The following WNK1 variants were observed in gnomAD, a reference collection of about 807,000 sequenced individuals.
The protein encoded by WNK1 is serine/threonine-protein kinase WNK1.
Under a neutral mutation model 222.8 loss-of-function variants are expected in WNK1, and 38 were observed. That is an observed-to-expected ratio of 0.17 (90% CI 0.13 to 0.22). WNK1 has a LOEUF of 0.22. Among genes scored for constraint, WNK1 ranks in the 10% least tolerant of loss-of-function variants. The pLI, the probability that WNK1 is intolerant of heterozygous loss-of-function variation, is 1.00. For synonymous variants in WNK1, 1,090 were observed against 1,092.9 expected, an observed-to-expected ratio of 1.00 and a Z score of 0.05; for missense variants, 2,348 against 2,918.4, an observed-to-expected ratio of 0.80 and a Z score of 4.50.
In WNK1 at chr12:908,214, C is replaced by G. The variant is rs892342816; in HGVS notation, c.6831+180C>G. ...TTTTCCTTCCCTGAATTCCTAACCT[C>G]TTGTTGGTCAGCTCAACTTTTTCTT... On this transcript the variant is annotated intron_variant, in intron 27 of 27. Transcript: ENST00000315939. 6.8e-6 allele frequency: 6 copies of G among 878,996 alleles called. No homozygotes were observed. The African/African-American group carries it at 8.4e-5, about 12-fold the overall frequency. 54.4% of individuals were successfully genotyped at this position (878,996 alleles called of 1,614,324 possible). A position where few individuals can be genotyped will look rare whatever the true frequency, so the allele number is the denominator to read the frequency against.
chr12:791,495 A>G (rs991525580), intron 1 of WNK1, among the ~76,000 whole-genome samples: 5 of 152,056 alleles, frequency 3.3e-5, no homozygotes, highest in African/African-American at 9.7e-5. Context: ...CTTTTCTATA[A>G]TAACATTCTC....
chr12:879,470 C>CTTTTTTT, intron 10 of WNK1, 103 bp from the exon 11 acceptor site: 11 of 658,308 alleles, frequency 1.7e-5, no homozygotes, highest in South Asian at 9.7e-5. Flanking sequence ...TTGTTTTTTC[C>CTTTTTTT]TTCTTTTTGG....
intron 26 of WNK1, 151 bp from the exon 27 acceptor site, chr12:907,696 C>G (rs768131435): frequency 2.1e-6 from 2 of 952,300 alleles, no homozygotes; most frequent in Non-Finnish European, 3.3e-6. Context: ...AATGGCTAAA[C>G]AAAACCTTGG....
chr12:758,373 CTTTTTTT>C (rs397957357), intron 1 of WNK1, among the ~76,000 whole-genome samples: 1 of 64,728 alleles, frequency 1.5e-5, no homozygotes, highest in Non-Finnish European at 2.7e-5. Context: ...TGCTATAGTT[CTTTTTTT>C]TTTTTTTTTT....
chr12:890,831 ACTGGATATATAGGGATAGAAG>A (rs1356226894), intron 22 of WNK1, among the ~76,000 whole-genome samples: 12 of 152,328 alleles, frequency 7.9e-5, no homozygotes, highest in Non-Finnish European at 1.6e-4. Context: ...CTTTTGTGAC[ACTGGATATATAGGGATAGAAG>A]CTTGAATAGT....
chr12:883,908 G>A, intron 17 of WNK1, 77 bp downstream of exon 17: 1 of 1,572,216 alleles, frequency 6.4e-7, no homozygotes, highest in South Asian at 1.1e-5. Flanking sequence ...GGCTTCTGTA[G>A]TCCCAGCTAC....
At chr12:883,905 G>A (rs1288482904) in intron 17 of WNK1, 74 bp downstream of exon 17, 1 of 1,574,614 alleles carries the variant, frequency 6.4e-7, no homozygotes, top group African/African-American at 1.3e-5. Flanking sequence ...GCAGGCTTCT[G>A]TAGTCCCAGC....
At chr12:768,467 A>AT (rs1233613975) in intron 1 of WNK1, among the ~76,000 whole-genome samples, 2 of 151,838 alleles carry the variant, frequency 1.3e-5, no homozygotes, top group African/African-American at 4.8e-5. Flanking sequence ...GTCTCCACAG[A>AT]TTTTTTTGTT....
intron 1 of WNK1, among the ~76,000 whole-genome samples, chr12:805,582 A>T (rs572379889): frequency 6.6e-6 from 1 of 152,338 alleles, no homozygotes; most frequent in East Asian, 1.9e-4. Flanking sequence ...GTCTTCCTTT[A>T]TAAATAACTT....
At chr12:859,994 G>A (rs1425134323) in intron 6 of WNK1, among the ~76,000 whole-genome samples, 1 of 152,076 alleles carries the variant, frequency 6.6e-6, no homozygotes, top group Admixed American at 6.6e-5. Flanking sequence ...GGGAGTACAG[G>A]TGTGAGCCAC....
intron 1 of WNK1, 83 bp downstream of exon 1, chr12:754,407 A>G: frequency 6.3e-7 from 1 of 1,575,116 alleles, no homozygotes; most frequent in Middle Eastern, 1.7e-4. Context: ...TTCACCCTTC[A>G]CTTGGCATTC....
chr12:758,542 C>T (rs7959054), intron 1 of WNK1, among the ~76,000 whole-genome samples: 83,407 of 142,904 alleles, frequency 0.58, 27,931 homozygotes, highest in East Asian at 0.86. Context: ...CGCCCGCCAC[C>T]GTGCCCGGCT....
intron 4 of WNK1, chr12:851,910 C>T (rs1950448607): frequency 3.7e-6 from 3 of 821,486 alleles, no homozygotes; most frequent in South Asian, 3.9e-5. Context: ...CTTGAGAATG[C>T]TTTAAAAATA....
chr12:883,699 A>G lies in WNK1; in HGVS notation c.3664-75A>G, dbSNP rs901581448. ...GACAACAAACTTTTATGTTCTCTTC[A>G]CATGTGGCAGTTTGCTTTGCCTAGT... On this transcript the variant is annotated intron_variant, in intron 16 of 27. Coordinates refer to ENST00000315939, the MANE Select transcript of WNK1 (RefSeq NM_018979.4). 17 of 1,598,064 alleles carry G rather than the reference A, an allele frequency of 1.1e-5. No individual in the cohort carries two copies. In the African/African-American group the frequency reaches 2.1e-4, roughly 20 times the overall value.
chr12:881,692 A>G lies in WNK1; in HGVS notation c.3112A>G (p.Ser1038Gly). Residue 1038 changes from serine to glycine, a missense_variant and splice_region_variant, in exon 13 of 28, where the codon AGT becomes GGT. Transcript: ENST00000315939. ...TTTGAGTTATCTTTTCGATTCACAGAGTACTCAGGGAGTCTCTCAGGTTGC... is the reference window on the plus strand; with the variant it reads ...TTTGAGTTATCTTTTCGATTCACAGGGTACTCAGGGAGTCTCTCAGGTTGC... ...TTSSQQAVLE[S>G]TQGVSQVAPA... The G allele has an allele frequency of 6.2e-7, 1 of 1,612,746 alleles. No homozygotes were observed. The highest frequency in any genetic ancestry group is 1.7e-4 in the Middle Eastern group (1 of 6,058).
At chr12:904,405 C>G in intron 26 of WNK1, 1 of 1,275,698 alleles carries the variant, frequency 7.8e-7, no homozygotes, top group Admixed American at 2.3e-5. Flanking sequence ...ATATTTTACA[C>G]TGATGTTTCT....
intron 1 of WNK1, chr12:781,079 CTGT>C (rs1943646039): frequency 1.3e-5 from 2 of 149,806 alleles, no homozygotes; most frequent in African/African-American, 4.9e-5. Flanking sequence ...TAGCAATGAG[CTGT>C]TTTTTGTTTT....
chr12:753,744 CTA>C lies in WNK1; in HGVS notation c.181_182del (p.Met61GlyfsTer15). 1 of 1,612,404 alleles carries C rather than the reference CTA, an allele frequency of 6.2e-7. No homozygotes were observed. The highest frequency in any genetic ancestry group is 8.5e-7 in the Non-Finnish European group (1 of 1,179,902). The stretch of plus-strand genomic sequence containing the variant: ...GAGGAGTACAGGCGCCGCCGCCACA[CTA>C]TGGACAAGGACAGCCGTGGGGCGGC... On this transcript the variant is annotated frameshift_variant, in exon 1 of 28. Transcript: ENST00000315939. LOFTEE classifies it high-confidence loss of function. The surrounding 1 kb of genome is among the most constrained non-coding windows in gnomAD (Gnocchi z 5.2).
At chr12:876,828 AAAG>A (rs1952659188) in intron 9 of WNK1, among the ~76,000 whole-genome samples, 1 of 151,052 alleles carries the variant, frequency 6.6e-6, no homozygotes, top group African/African-American at 2.5e-5. Flanking sequence ...TTTAACAAAA[AAAG>A]AAAACTATGT....
Sources: allele counts gnomAD v4.1 joint callset (sites outside exome capture counted in the v4.1 genomes callset), GRCh38; gene constraint gnomAD v4.1.1; non-coding constraint Gnocchi (gnomAD v3.1); transcripts MANE v1.5; gene names NCBI Gene and HGNC (gene_info 2026-07-23, HGNC 2026-07-21).